Variants in DAB1 observed in about 807,000 individuals in gnomAD.
DAB1 encodes the protein disabled homolog 1.
DAB1 carries 15 observed loss-of-function variants against 64.6 expected under a neutral mutation model. The observed-to-expected ratio is 0.23, with a 90% CI of 0.16 to 0.36. The LOEUF (loss-of-function observed/expected upper bound fraction) is 0.36, where lower values mean the gene tolerates loss of function less well. DAB1 is among the 10% of genes least tolerant of loss of function. DAB1 has a pLI of 1.00. For missense variants in DAB1, 596 were observed against 706.7 expected (o/e 0.84, Z 1.78); for synonymous variants, 235 against 251.9 (o/e 0.93, Z 0.64).
chr1:57,861,074 C>T (rs1387204873), intron 1 of DAB1: 3 of 152,114 alleles, frequency 2.0e-5, no homozygotes, highest in South Asian at 2.1e-4. Context: ...ATGCTACAGC[C>T]GAGGGTGGGG....
intron 6 of DAB1, among the ~76,000 whole-genome samples, chr1:57,737,077 C>T (rs922562659): frequency 6.6e-6 from 1 of 152,174 alleles, no homozygotes; most frequent in Non-Finnish European, 1.5e-5. Flanking sequence ...GCTGTAGCTA[C>T]CGGAGAGGGC....
intron 2 of DAB1, among the ~76,000 whole-genome samples, chr1:57,204,847 C>G (rs1288402096): frequency 6.6e-6 from 1 of 152,150 alleles, no homozygotes; most frequent in Non-Finnish European, 1.5e-5. Context: ...TCTTTGTGAT[C>G]ACTTGTAGGC....
chr1:58,010,751 T>G (rs1185480216), intron 5 of DAB1, among the ~76,000 whole-genome samples: 1 of 152,202 alleles, frequency 6.6e-6, no homozygotes, highest in Non-Finnish European at 1.5e-5. Context: ...GCACAGCACA[T>G]GTGCTCTTAC....
chr1:57,906,198 A>G (rs565338723), intron 5 of DAB1, among the ~76,000 whole-genome samples: 1 of 152,286 alleles, frequency 6.6e-6, no homozygotes, highest in Middle Eastern at 3.4e-3. Flanking sequence ...GCCATTGTGT[A>G]TGTAGAAAAG....
rs189028021 is a variant in DAB1 at position 57,514,014 on chromosome 1, A to G, written n.625+135578T>C. ...CTCAGGTTCAACCAAGTTGTCACAA[A>G]TGACAGAATTTCCTTCTTTTTTAAT... On this transcript the variant is annotated intron_variant and non_coding_transcript_variant, in intron 7 of 20. Transcript: ENST00000485760. 9.8e-5 allele frequency among the ~76,000 whole-genome samples: 15 copies of G among 152,322 alleles called. No homozygotes were observed. In the East Asian group the frequency reaches 2.9e-3, roughly 29 times the overall value.
chr1:58,425,822 G>C (rs1025324489), intron 3 of DAB1, among the ~76,000 whole-genome samples: 1 of 152,012 alleles, frequency 6.6e-6, no homozygotes, highest in South Asian at 2.1e-4. Flanking sequence ...GAATCCATTA[G>C]ATTTAATCAA....
chr1:57,411,513 C>T (rs1684111067), intron 1 of DAB1, among the ~76,000 whole-genome samples: 1 of 152,210 alleles, frequency 6.6e-6, no homozygotes, highest in Admixed American at 6.5e-5. Context: ...CAGACTCTGG[C>T]CCCCAGGCCC....
rs554329111 is a variant in DAB1, at chr1:57,960,163, G to A, written n.388-76001C>T. Among the ~76,000 whole-genome samples the A allele has an allele frequency of 5.9e-5, 9 of 152,270 alleles. No individual in the cohort carries two copies. The South Asian group carries it at 8.3e-4, about 14-fold the overall frequency. The stretch of plus-strand genomic sequence containing the variant: ...TTGTCTGGCACGGGAAGCCCAGGCC[G>A]TGTGGCAATTAGGGCTCAGACTGGA... On this transcript the variant is annotated intron_variant and non_coding_transcript_variant, in intron 5 of 20. Transcript: ENST00000485760.
At chr1:57,810,054 G>A (rs1651544810) in intron 6 of DAB1, among the ~76,000 whole-genome samples, 1 of 152,146 alleles carries the variant, frequency 6.6e-6, no homozygotes, top group Non-Finnish European at 1.5e-5. Context: ...AACCTTCCCT[G>A]ATGAGTTTCC....
intron 3 of DAB1, among the ~76,000 whole-genome samples, chr1:58,428,582 G>T (rs2100235400): frequency 6.6e-6 from 1 of 152,270 alleles, no homozygotes; most frequent in South Asian, 2.1e-4. Context: ...ACATTGAGAA[G>T]CTATTGCCAT....
chr1:57,205,157 T>C (rs1665437065), intron 2 of DAB1, among the ~76,000 whole-genome samples: 1 of 152,208 alleles, frequency 6.6e-6, no homozygotes, highest in Admixed American at 6.5e-5. Context: ...GGGAGGCCCA[T>C]CTGTACCCAA....
At chr1:58,244,784 T>G (rs941492971) in intron 4 of DAB1, among the ~76,000 whole-genome samples, 1 of 152,092 alleles carries the variant, frequency 6.6e-6, no homozygotes, top group Non-Finnish European at 1.5e-5. Context: ...AAACTAAGAG[T>G]CATAACACTA....
chr1:57,280,091 A>C (rs1437483763), intron 2 of DAB1, among the ~76,000 whole-genome samples: 1 of 152,108 alleles, frequency 6.6e-6, no homozygotes, highest in Non-Finnish European at 1.5e-5. Context: ...TCTGTGTGTA[A>C]ATGGGTCCCT....
At chr1:57,891,319 C>A (rs967126268) in intron 5 of DAB1, among the ~76,000 whole-genome samples, 4 of 152,150 alleles carry the variant, frequency 2.6e-5, no homozygotes, top group African/African-American at 9.7e-5. Context: ...TACCATCTCA[C>A]GCCAGTTAGA....
intron 9 of DAB1, among the ~76,000 whole-genome samples, chr1:57,039,776 G>A (rs1333844694): frequency 1.3e-5 from 2 of 152,160 alleles, no homozygotes; most frequent in African/African-American, 2.4e-5. Flanking sequence ...ATGATCTGCA[G>A]GCAGAAAATC....
intron 9 of DAB1, among the ~76,000 whole-genome samples, chr1:57,056,789 A>C (rs1017093484): frequency 6.6e-6 from 1 of 152,066 alleles, no homozygotes; most frequent in Non-Finnish European, 1.5e-5. Context: ...GCTTGAACCC[A>C]GGAAGCGGAG....
At chr1:58,434,682 C>T (rs1488514008) in intron 3 of DAB1, among the ~76,000 whole-genome samples, 1 of 152,120 alleles carries the variant, frequency 6.6e-6, no homozygotes, top group South Asian at 2.1e-4. Context: ...GTGTGTGTAA[C>T]GTTATAGGTG....
At chr1:57,734,857 CATTTAAA>C (rs1647609552) in intron 6 of DAB1, among the ~76,000 whole-genome samples, 1 of 152,206 alleles carries the variant, frequency 6.6e-6, no homozygotes, top group South Asian at 2.1e-4. Flanking sequence ...AGGACTGGAT[CATTTAAA>C]ACATAATTAT....
intron 4 of DAB1, among the ~76,000 whole-genome samples, chr1:58,183,610 C>A (rs1237390931): frequency 1.3e-5 from 2 of 151,734 alleles, no homozygotes; most frequent in Non-Finnish European, 2.9e-5. Context: ...AAAATCAATC[C>A]TGTTTCTCTA....
Sources: gnomAD v4.1 joint callset for allele counts (sites outside exome capture counted in the v4.1 genomes callset) on GRCh38, gnomAD v4.1.1 for gene constraint, MANE v1.5 for transcripts, NCBI Gene and HGNC (gene_info 2026-07-23, HGNC 2026-07-21) for gene names.